Variants in PLSCR2 observed in about 807,000 individuals in gnomAD.
The protein encoded by PLSCR2 is phospholipid scramblase 2.
PLSCR2 carries 18 observed loss-of-function variants against 25.3 expected under a neutral mutation model. The ratio of observed to expected loss-of-function variants is 0.71; its 90% CI spans 0.49 to 1.06. The LOEUF is 1.06. Among genes scored for constraint, PLSCR2 ranks in the 50% least tolerant of loss-of-function variants. The pLI is 0.00. For missense variants in PLSCR2, 243 were observed against 269.5 expected, an observed-to-expected ratio of 0.90 and a Z score of 0.69; for synonymous variants, 88 against 87.3, an observed-to-expected ratio of 1.01 and a Z score of -0.04.
downstream of PLSCR2, chr3:146,441,613 T>C: frequency 2.3e-6 from 1 of 439,272 alleles, no homozygotes; most frequent in Non-Finnish European, 4.1e-6. Context: ...ATTTGAAAAG[T>C]GAAATTATAT....
intron 2 of PLSCR2, among the ~76,000 whole-genome samples, chr3:146,419,144 C>A (rs2039071268): frequency 6.6e-6 from 1 of 151,984 alleles, no homozygotes; most frequent in Non-Finnish European, 1.5e-5. Context: ...CCACATTGTG[C>A]TATAAGCAAA....
At chr3:146,436,415 G>A (rs1485499884) in intron 8 of PLSCR2, among the ~76,000 whole-genome samples, 1 of 152,194 alleles carries the variant, frequency 6.6e-6, no homozygotes, top group African/African-American at 2.4e-5. Context: ...AGCATGAAAT[G>A]TTCTTCCATT....
chr3:146,485,947 A>C (rs2043325031), intron 1 of PLSCR2, among the ~76,000 whole-genome samples: 1 of 152,098 alleles, frequency 6.6e-6, no homozygotes, highest in Admixed American at 6.6e-5. Flanking sequence ...CACTATCATG[A>C]GAACAGCATG....
chr3:146,413,062 T>G (rs1448077096), intron 2 of PLSCR2, among the ~76,000 whole-genome samples: 2 of 152,138 alleles, frequency 1.3e-5, no homozygotes, highest in South Asian at 2.1e-4. Flanking sequence ...ACATACTGAT[T>G]CTTTGAAGAG....
chr3:146,492,182 C>T (rs529147725), intron 1 of PLSCR2, among the ~76,000 whole-genome samples: 18 of 152,254 alleles, frequency 1.2e-4, no homozygotes, highest in African/African-American at 4.3e-4. Flanking sequence ...GTGCTGGCCC[C>T]TTGAGATCAA....
intron 1 of PLSCR2, among the ~76,000 whole-genome samples, chr3:146,491,740 C>T (rs1413740207): frequency 6.6e-6 from 1 of 152,084 alleles, no homozygotes; most frequent in African/African-American, 2.4e-5. Flanking sequence ...CACTTTTCAA[C>T]TCTTGGATCA....
intron 8 of PLSCR2, among the ~76,000 whole-genome samples, chr3:146,433,723 G>A (rs1371517684): frequency 6.6e-6 from 1 of 152,096 alleles, no homozygotes; most frequent in Non-Finnish European, 1.5e-5. Flanking sequence ...CTAGAGATGA[G>A]TGCCCTGGGT....
Position 146,469,624 on chromosome 3 carries a change from T to C in PLSCR2, c.-292-9340A>G, listed in dbSNP as rs60395163. ...CCCGGAAGTCGGCGGAAAAGGGGCCTGGACCAGCCTCAGAGTCTACACCTG... is the reference window on the plus strand; with the variant it reads ...CCCGGAAGTCGGCGGAAAAGGGGCCCGGACCAGCCTCAGAGTCTACACCTG... On this transcript the variant is annotated intron_variant, in intron 1 of 8. Transcript: ENST00000336685. The C allele has an allele frequency of 1.8e-4, 174 of 954,454 alleles. No individual in the cohort carries two copies. In the African/African-American group the frequency reaches 2.9e-3, roughly 16 times the overall value. The allele number at this position is 954,454 out of a possible 1,614,324, so 59.1% of individuals were successfully genotyped here.
At chr3:146,478,021 C>T (rs982769177) in intron 1 of PLSCR2, among the ~76,000 whole-genome samples, 1 of 152,222 alleles carries the variant, frequency 6.6e-6, no homozygotes, top group Non-Finnish European at 1.5e-5. Flanking sequence ...AGGGACCTGA[C>T]TGTTAGAAGG....
At chr3:146,414,480 A>G (rs1378722971) in intron 2 of PLSCR2, among the ~76,000 whole-genome samples, 1 of 152,270 alleles carries the variant, frequency 6.6e-6, no homozygotes, top group African/African-American at 2.4e-5. Context: ...CAAGAAAAAA[A>G]CAAAGAAAGC....
downstream of PLSCR2, among the ~76,000 whole-genome samples, chr3:146,429,694 C>T (rs189893552): frequency 2.0e-4 from 30 of 152,074 alleles, no homozygotes; most frequent in East Asian, 3.5e-3. Flanking sequence ...GGCATGATCT[C>T]GGCTCACTGC....
At chr3:146,402,427 T>C (rs1049102051) in intron 2 of PLSCR2, among the ~76,000 whole-genome samples, 6 of 152,194 alleles carry the variant, frequency 3.9e-5, no homozygotes, top group African/African-American at 1.4e-4. Context: ...AGTATACACT[T>C]AATGAGTACA....
chr3:146,483,481 A>G lies in PLSCR2; in HGVS notation c.-293+12414T>C, dbSNP rs866624634. Among the ~76,000 whole-genome samples the G allele has an allele frequency of 2.0e-3, 149 of 73,078 alleles. 2 individuals carry two copies. Among genetic ancestry groups the G allele is most frequent in the Admixed American group, 4.4e-3 (30 of 6,794 alleles). 47.9% of individuals were successfully genotyped at this position (73,078 alleles called of 152,430 possible). On this transcript the variant is annotated intron_variant, in intron 1 of 8. Transcript: ENST00000336685. The stretch of plus-strand genomic sequence containing the variant: ...TATATATATATATATATACATGTGT[A>G]TATATATATATATATATATATATAT...
At chr3:146,441,699 A>T (rs1648498445), downstream of PLSCR2, 4 of 830,068 alleles carry the variant, frequency 4.8e-6, no homozygotes, top group Admixed American at 1.1e-4. Context: ...AAAAACACTG[A>T]ATTTTTCTTT....
chr3:146,391,457 G>A (rs549230560), exon 4 of PLSCR2: 8 of 152,682 alleles, frequency 5.2e-5, no homozygotes, highest in African/African-American at 1.7e-4. Context: ...TATTTTCAGT[G>A]AAAGTTGCTT....
chr3:146,482,472 A>G (rs1281694829), intron 1 of PLSCR2, among the ~76,000 whole-genome samples: 2 of 152,220 alleles, frequency 1.3e-5, no homozygotes, highest in African/African-American at 4.8e-5. Context: ...GACACATGAA[A>G]AGATGCTCAT....
In PLSCR2 at chr3:146,453,518, T is replaced by C. The variant is rs558240051; in HGVS notation, c.483+484A>G. Among the ~76,000 whole-genome samples, 9 of 152,084 alleles carry C rather than the reference T, an allele frequency of 5.9e-5. No individual in the cohort carries two copies. In the East Asian group the frequency reaches 1.5e-3, roughly 26 times the overall value. ...GGTTAAAGAAGAGACCACAGAGAAGTATAATTGGGTAATACATATTACACT... is the reference window on the plus strand; with the variant it reads ...GGTTAAAGAAGAGACCACAGAGAAGCATAATTGGGTAATACATATTACACT... On this transcript the variant is annotated intron_variant, in intron 5 of 6. Transcript: ENST00000610787.
intron 2 of PLSCR2, chr3:146,401,508 C>A (rs13092702): frequency 0.5 from 76,021 of 152,248 alleles, 19,586 homozygotes; most frequent in South Asian, 0.7. Context: ...AATTCTCTGT[C>A]CTTGATTGTT....
chr3:146,456,253 T>C (rs1037779952), intron 3 of PLSCR2, among the ~76,000 whole-genome samples: 1 of 152,106 alleles, frequency 6.6e-6, no homozygotes. Context: ...GAACCACACA[T>C]TGGAAACCTC....
Sources: gnomAD v4.1 joint callset for allele counts (sites outside exome capture counted in the v4.1 genomes callset) on GRCh38, gnomAD v4.1.1 for gene constraint, MANE v1.5 for transcripts, NCBI Gene and HGNC (gene_info 2026-07-23, HGNC 2026-07-21) for gene names.